SLIT2: variants seen among roughly 807,000 people sequenced by gnomAD.
SLIT2 encodes slit guidance ligand 2.
In SLIT2, 41 loss-of-function variants were observed where a neutral mutation model predicts 185.7. That is an observed-to-expected ratio of 0.22 (90% CI 0.17 to 0.29). SLIT2 has a LOEUF of 0.29. Among genes scored for constraint, SLIT2 ranks in the 10% least tolerant of loss-of-function variants. SLIT2 has a pLI of 1.00. For missense variants in SLIT2, 1,571 were observed against 1,909.0 expected (o/e 0.82, Z 3.30); for synonymous variants, 693 against 680.2 (o/e 1.02, Z -0.29).
chr4:20,305,875 TAATAATA>T (rs1577400409), intron 4 of SLIT2, among the ~76,000 whole-genome samples: 1 of 7,158 alleles, frequency 1.4e-4, no homozygotes, highest in Non-Finnish European at 2.4e-4. Context: ...TGTCTCAAAA[TAATAATA>T]ATAATAATAA....
At chr4:20,514,033 G>T (rs1258147060) in intron 11 of SLIT2, among the ~76,000 whole-genome samples, 3 of 152,170 alleles carry the variant, frequency 2.0e-5, no homozygotes, top group Non-Finnish European at 4.4e-5. Flanking sequence ...GCCAGTGAAA[G>T]CTAGATTTGC....
At chr4:20,277,467 C>T (rs1202946996) in intron 4 of SLIT2, among the ~76,000 whole-genome samples, 1 of 151,632 alleles carries the variant, frequency 6.6e-6, no homozygotes, top group Non-Finnish European at 1.5e-5. Flanking sequence ...TTTGTGTAAA[C>T]AGTATATAAA....
At chr4:20,592,979 G>A (rs765781938) in intron 30 of SLIT2, among the ~76,000 whole-genome samples, 20 of 152,100 alleles carry the variant, frequency 1.3e-4, no homozygotes, top group Non-Finnish European at 2.2e-4. Context: ...TAATTCTTCC[G>A]CTCTCCAGCA....
chr4:20,357,440 C>T (rs1722414484), intron 4 of SLIT2, among the ~76,000 whole-genome samples: 1 of 152,052 alleles, frequency 6.6e-6, no homozygotes, highest in Non-Finnish European at 1.5e-5. Flanking sequence ...ATAACAACAA[C>T]AAATTAGAGA....
intron 5 of SLIT2, among the ~76,000 whole-genome samples, chr4:20,470,384 A>G (rs1463535756): frequency 1.3e-5 from 2 of 152,116 alleles, no homozygotes; most frequent in African/African-American, 4.8e-5. Context: ...TTTGTGAACA[A>G]GGCATTAAAG....
intron 26 of SLIT2, among the ~76,000 whole-genome samples, chr4:20,557,461 G>A (rs1724358894): frequency 6.6e-6 from 1 of 152,006 alleles, no homozygotes; most frequent in Non-Finnish European, 1.5e-5. Context: ...GCCTAGATGA[G>A]AGTACACCTG....
chr4:20,382,894 A>G (rs1724643855), intron 4 of SLIT2, among the ~76,000 whole-genome samples: 1 of 152,180 alleles, frequency 6.6e-6, no homozygotes, highest in African/African-American at 2.4e-5. Flanking sequence ...ACTGATTTTA[A>G]GACTTAATGT....
At chr4:20,608,923 C>A (rs1194066609) in intron 33 of SLIT2, among the ~76,000 whole-genome samples, 1 of 152,130 alleles carries the variant, frequency 6.6e-6, no homozygotes, top group African/African-American at 2.4e-5. Flanking sequence ...TTCCCAGTAT[C>A]CCAGCATGTT....
chr4:20,564,596 C>T (rs1577934239), intron 26 of SLIT2, among the ~76,000 whole-genome samples: 1 of 151,792 alleles, frequency 6.6e-6, no homozygotes, highest in East Asian at 1.9e-4. Context: ...ATATGAAAAA[C>T]AAGAAGCAAA....
chr4:20,612,245 G>GAA (rs139866324), intron 34 of SLIT2, among the ~76,000 whole-genome samples: 5 of 56,232 alleles, frequency 8.9e-5, no homozygotes, highest in Admixed American at 1.5e-4. Context: ...ACTATCTCAA[G>GAA]AAAAAAAAAA....
rs115105842 is a variant in SLIT2, at chr4:20,597,000, G to C, written c.3561+345G>C. ...GGAGGCTTTTCTTAGGAAATCTGCAGCTAGGAAGGGTGCAGGCGAGAAAGA... is the reference window on the plus strand; with the variant it reads ...GGAGGCTTTTCTTAGGAAATCTGCACCTAGGAAGGGTGCAGGCGAGAAAGA... On this transcript the variant is annotated intron_variant, in intron 32 of 36. Coordinates refer to ENST00000504154, the MANE Select transcript of SLIT2 (RefSeq NM_004787.4). 4.4e-3 allele frequency among the ~76,000 whole-genome samples: 667 copies of C among 151,920 alleles called. 4 individuals are homozygous for C. The highest frequency in any genetic ancestry group is 6.9e-3 in the Non-Finnish European group (470 of 67,944).
intron 5 of SLIT2, among the ~76,000 whole-genome samples, chr4:20,470,938 G>C (rs998510915): frequency 3.3e-5 from 5 of 152,124 alleles, no homozygotes; most frequent in Admixed American, 6.6e-5. Flanking sequence ...TCTGAATATG[G>C]GGGGAGCTGA....
At chr4:20,259,437 T>C (rs1295065499) in intron 3 of SLIT2, among the ~76,000 whole-genome samples, 3 of 151,772 alleles carry the variant, frequency 2.0e-5, no homozygotes, top group Non-Finnish European at 4.4e-5. Flanking sequence ...CAGGAAAGTA[T>C]CTTGAGTTTA....
At chr4:20,312,622 A>C (rs1284712382) in intron 4 of SLIT2, among the ~76,000 whole-genome samples, 1 of 151,868 alleles carries the variant, frequency 6.6e-6, no homozygotes, top group Non-Finnish European at 1.5e-5. Context: ...AAATACAAAA[A>C]AATTAGCGGG....
At chr4:20,289,324 T>C (rs1715582972) in intron 4 of SLIT2, among the ~76,000 whole-genome samples, 1 of 152,166 alleles carries the variant, frequency 6.6e-6, no homozygotes, top group Admixed American at 6.5e-5. Flanking sequence ...TTGAGATGAC[T>C]ATTAAAAAAA....
At chr4:20,401,924 C>A (rs1726395848) in intron 4 of SLIT2, among the ~76,000 whole-genome samples, 1 of 151,590 alleles carries the variant, frequency 6.6e-6, no homozygotes. Flanking sequence ...TTTAGAGAGT[C>A]CTTAGATTTA....
chr4:20,543,806 T>C (rs1723022301), intron 21 of SLIT2, among the ~76,000 whole-genome samples: 1 of 152,204 alleles, frequency 6.6e-6, no homozygotes, highest in Non-Finnish European at 1.5e-5. Flanking sequence ...TGTTAAGTGC[T>C]TAGGTCCTCT....
intron 4 of SLIT2, among the ~76,000 whole-genome samples, chr4:20,358,779 A>G (rs1722528498): frequency 6.6e-6 from 1 of 152,140 alleles, no homozygotes; most frequent in African/African-American, 2.4e-5. Context: ...AAAAAAAGAC[A>G]GTATTTCTGA....
chr4:20,420,180 T>C (rs1009603086), intron 4 of SLIT2, among the ~76,000 whole-genome samples: 2 of 152,192 alleles, frequency 1.3e-5, no homozygotes, highest in Non-Finnish European at 2.9e-5. Flanking sequence ...TCACTTCTAA[T>C]GCGTACATTT....
Sources: allele counts gnomAD v4.1 joint callset (sites outside exome capture counted in the v4.1 genomes callset), GRCh38; gene constraint gnomAD v4.1.1; transcripts MANE v1.5; gene names NCBI Gene and HGNC (gene_info 2026-07-23, HGNC 2026-07-21).